Variants in DLGAP1 observed in about 807,000 individuals in gnomAD.
DLGAP1 encodes the protein disks large-associated protein 1.
Under a neutral mutation model 90.8 loss-of-function variants are expected in DLGAP1, and 11 were observed. The observed-to-expected ratio is 0.12, with a 90% CI of 0.08 to 0.20. The LOEUF (loss-of-function observed/expected upper bound fraction) is 0.20. Ranked by LOEUF, DLGAP1 falls within the 10% of genes least tolerant of loss-of-function variation. DLGAP1 has a pLI of 1.00. For missense variants in DLGAP1, 1,050 were observed against 1,333.8 expected (o/e 0.79, Z 3.31); for synonymous variants, 558 against 540.7 (o/e 1.03, Z -0.44).
chr18:4,387,151 T>C lies in DLGAP1; in HGVS notation c.-267+67855A>G, dbSNP rs114975496. 9.6e-3 allele frequency among the ~76,000 whole-genome samples: 1,458 copies of C among 152,220 alleles called. 21 individuals are homozygous for C. Among genetic ancestry groups the C allele is most frequent in the African/African-American group, 0.034 (1,402 of 41,530 alleles). ...ATGGGACTGGATGAAAAGGATAAGA[T>C]GAAGAAATGAGGGAGCAAGGTTGAG... On this transcript the variant is annotated intron_variant, in intron 1 of 12. Transcript: ENST00000315677.
At chr18:3,761,783 C>T (rs2063977972) in intron 5 of DLGAP1, among the ~76,000 whole-genome samples, 1 of 152,122 alleles carries the variant, frequency 6.6e-6, no homozygotes, top group Non-Finnish European at 1.5e-5. Context: ...ACCATGTTGG[C>T]TAGGCTGGTC....
intron 1 of DLGAP1, among the ~76,000 whole-genome samples, chr18:4,419,780 T>C (rs927197156): frequency 2.0e-5 from 3 of 151,780 alleles, no homozygotes; most frequent in African/African-American, 7.3e-5. Flanking sequence ...CAAAATTGAG[T>C]AAATAATATA....
At chr18:4,416,874 T>G (rs1267336851) in intron 1 of DLGAP1, among the ~76,000 whole-genome samples, 1 of 152,212 alleles carries the variant, frequency 6.6e-6, no homozygotes, top group Non-Finnish European at 1.5e-5. Context: ...TTTCACTCTT[T>G]TATTTTTCTC....
intron 7 of DLGAP1, among the ~76,000 whole-genome samples, chr18:3,646,747 AC>A (rs1388641441): frequency 6.6e-6 from 1 of 151,962 alleles, no homozygotes; most frequent in African/African-American, 2.4e-5. Context: ...ACACGGTGAA[AC>A]CTCGTCTCTA....
intron 8 of DLGAP1, chr18:3,580,813 T>A (rs1442571077): frequency 2.6e-6 from 4 of 1,539,884 alleles, no homozygotes; most frequent in Non-Finnish European, 2.7e-6. Flanking sequence ...GTCTTCCACC[T>A]GCCGTGCGGA....
intron 1 of DLGAP1, among the ~76,000 whole-genome samples, chr18:4,445,826 G>A (rs1403207369): frequency 6.6e-6 from 1 of 152,088 alleles, no homozygotes. Context: ...ACCCTCAGCT[G>A]AGTAGTCATA....
intron 9 of DLGAP1, among the ~76,000 whole-genome samples, chr18:3,535,070 C>CTG (rs2052267734): frequency 1.6e-5 from 2 of 122,810 alleles, no homozygotes; most frequent in South Asian, 2.7e-4. Context: ...TCTCAATCTT[C>CTG]TCTGTGTGTG....
At chr18:3,591,858 A>G (rs2145560385) in intron 7 of DLGAP1, among the ~76,000 whole-genome samples, 1 of 152,240 alleles carries the variant, frequency 6.6e-6, no homozygotes, top group East Asian at 1.9e-4. Flanking sequence ...TCAGAGAGGC[A>G]TAAAGAATAA....
chr18:4,255,605 A>G (rs1399114126), intron 1 of DLGAP1, among the ~76,000 whole-genome samples: 1 of 151,888 alleles, frequency 6.6e-6, no homozygotes, highest in South Asian at 2.1e-4. Flanking sequence ...TGGGGAAAAG[A>G]GCACCACCAA....
intron 7 of DLGAP1, among the ~76,000 whole-genome samples, chr18:3,620,638 A>G (rs2058063669): frequency 6.6e-6 from 1 of 151,906 alleles, no homozygotes; most frequent in South Asian, 2.1e-4. Context: ...ACTCACTGCA[A>G]CCTCTGCCTC....
intron 1 of DLGAP1, among the ~76,000 whole-genome samples, chr18:4,270,033 T>G (rs558558262): frequency 6.6e-6 from 1 of 152,324 alleles, no homozygotes; most frequent in South Asian, 2.1e-4. Flanking sequence ...CATGTTACAG[T>G]AGCATAGTTT....
intron 1 of DLGAP1, among the ~76,000 whole-genome samples, chr18:4,262,318 C>T (rs1302294777): frequency 6.6e-6 from 1 of 152,048 alleles, no homozygotes; most frequent in African/African-American, 2.4e-5. Context: ...CGGGCAGTCC[C>T]TGTGTAGGTG....
At position 4,315,416 on chromosome 18, in the gene DLGAP1, G is replaced by A. The variant is rs140207098; in HGVS notation, c.-267+139590C>T. The stretch of plus-strand genomic sequence containing the variant: ...CACAGCAAACATCCCTGGGTACCTG[G>A]CAATTCCCTTTCTCCTGCTAATTAG... On this transcript the variant is annotated intron_variant, in intron 1 of 12. Transcript: ENST00000315677. Among the ~76,000 whole-genome samples the A allele has an allele frequency of 1.3e-3, 199 of 152,252 alleles. 2 individuals are homozygous for A. The highest frequency in any genetic ancestry group is 4.5e-3 in the African/African-American group (185 of 41,550).
At chr18:3,876,805 C>T (rs1213179960) in intron 4 of DLGAP1, among the ~76,000 whole-genome samples, 1 of 152,076 alleles carries the variant, frequency 6.6e-6, no homozygotes, top group Non-Finnish European at 1.5e-5. Context: ...ATAGAATTTC[C>T]AAATCTTTAT....
chr18:3,960,478 A>T (rs1210963199), intron 3 of DLGAP1, among the ~76,000 whole-genome samples: 2 of 151,352 alleles, frequency 1.3e-5, no homozygotes, highest in African/African-American at 2.4e-5. Context: ...GAGGGGGTTG[A>T]TGGGGGAAGC....
intron 7 of DLGAP1, among the ~76,000 whole-genome samples, chr18:3,639,755 CTTT>C (rs58862252): frequency 3.4e-5 from 4 of 118,306 alleles, no homozygotes; most frequent in Admixed American, 8.7e-5. Flanking sequence ...GCAGAGTTGC[CTTT>C]TTTTTTTTTT....
At chr18:4,260,028 C>A (rs2078972971) in intron 1 of DLGAP1, among the ~76,000 whole-genome samples, 1 of 152,100 alleles carries the variant, frequency 6.6e-6, no homozygotes, top group Non-Finnish European at 1.5e-5. Context: ...CCATGAAAAT[C>A]AAGTATATTA....
In DLGAP1 at chr18:3,659,597, C is replaced by G. The variant is rs1271628950; in HGVS notation, c.1591+69538G>C. Among the ~76,000 whole-genome samples, 5 of 151,686 alleles carry G rather than the reference C, an allele frequency of 3.3e-5. No homozygotes were observed. The South Asian group carries it at 6.3e-4, about 19-fold the overall frequency. On this transcript the variant is annotated intron_variant, in intron 7 of 12. Coordinates refer to ENST00000315677, the MANE Select transcript of DLGAP1 (RefSeq NM_004746.4). ...TTCTTATTTTTTGAGACAGAATCTC[C>G]CTCTGTCGCCCAGGCTGGAGTGCAG...
chr18:3,816,661 A>C (rs2148451145), intron 4 of DLGAP1, among the ~76,000 whole-genome samples: 1 of 152,284 alleles, frequency 6.6e-6, no homozygotes, highest in Non-Finnish European at 1.5e-5. Flanking sequence ...CATTTGATCC[A>C]CACAGCGGAG....
Sources: gnomAD v4.1 joint callset for allele counts (sites outside exome capture counted in the v4.1 genomes callset) on GRCh38, gnomAD v4.1.1 for gene constraint, MANE v1.5 for transcripts, NCBI Gene and HGNC (gene_info 2026-07-23, HGNC 2026-07-21) for gene names.